TENM2: variants seen among roughly 807,000 people sequenced by gnomAD.
TENM2 encodes the protein teneurin-2.
Under a neutral mutation model 245.2 loss-of-function variants are expected in TENM2, and 52 were observed. The ratio of observed to expected loss-of-function variants is 0.21; its 90% CI spans 0.17 to 0.27. TENM2 has a LOEUF of 0.27. TENM2 is among the 10% of genes least tolerant of loss of function. The pLI is 1.00. For missense variants in TENM2, 3,046 were observed against 3,666.8 expected (o/e 0.83, Z 4.37); for synonymous variants, 1,363 against 1,438.9 (o/e 0.95, Z 1.19).
chr5:168,140,812 CTT>C (rs1266755822), intron 12 of TENM2, among the ~76,000 whole-genome samples: 1 of 152,168 alleles, frequency 6.6e-6, no homozygotes, highest in East Asian at 1.9e-4. Flanking sequence ...ACTGTGAAGT[CTT>C]TCCCTGACAG....
chr5:167,332,419 A>G (rs1757512575), intron 1 of TENM2, among the ~76,000 whole-genome samples: 1 of 152,046 alleles, frequency 6.6e-6, no homozygotes. Context: ...TTGGATCATG[A>G]TGAGGGTTTC....
At chr5:168,013,253 A>T (rs534471376) in intron 5 of TENM2, among the ~76,000 whole-genome samples, 1 of 152,304 alleles carries the variant, frequency 6.6e-6, no homozygotes, top group South Asian at 2.1e-4. Context: ...CGAGGGTTGG[A>T]ATTGTCTGAT....
chr5:168,045,102 A>T (rs1005145788), intron 5 of TENM2, among the ~76,000 whole-genome samples: 8 of 152,182 alleles, frequency 5.3e-5, no homozygotes, highest in African/African-American at 1.4e-4. Flanking sequence ...TTTTGGAAGG[A>T]CAGGTCTCAT....
chr5:168,049,124 A>G (rs546083252), intron 6 of TENM2, among the ~76,000 whole-genome samples: 1 of 152,294 alleles, frequency 6.6e-6, no homozygotes, highest in East Asian at 1.9e-4. Context: ...GCAATGTCTA[A>G]AGACTATTTT....
At chr5:167,515,415 G>T (rs1208826324) in intron 2 of TENM2, among the ~76,000 whole-genome samples, 1 of 151,650 alleles carries the variant, frequency 6.6e-6, no homozygotes, top group East Asian at 2.0e-4. Flanking sequence ...TTCATCCAGA[G>T]TTTGTATAAT....
At chr5:167,876,783 C>CA (rs1773464206) in intron 3 of TENM2, among the ~76,000 whole-genome samples, 2 of 152,118 alleles carry the variant, frequency 1.3e-5, no homozygotes, top group African/African-American at 4.8e-5. Context: ...TAGAATTTGA[C>CA]AAGTTGGTGG....
rs117070330 is a variant in TENM2 at position 167,974,812 on chromosome 5, G to A, written c.948-18132G>A. 1.3e-3 allele frequency among the ~76,000 whole-genome samples: 205 copies of A among 152,224 alleles called. 2 individuals carry two copies. The East Asian group carries it at 0.033, about 25-fold the overall frequency. On this transcript the variant is annotated intron_variant, in intron 4 of 28. Coordinates refer to ENST00000518659, the Ensembl canonical transcript of TENM2. ...TCAGCAGGGCTGTCCCAACCTGACCGACTGTGACCCTGAACTTCCCTCTTC... is the reference window on the plus strand; with the variant it reads ...TCAGCAGGGCTGTCCCAACCTGACCAACTGTGACCCTGAACTTCCCTCTTC...
chr5:167,080,008 C>T, the TENM2 span, among the ~76,000 whole-genome samples: 1 of 152,224 alleles, frequency 6.6e-6, no homozygotes, highest in Admixed American at 6.5e-5. Flanking sequence ...GTGGATTAAA[C>T]TGAAGTTCAG....
chr5:167,573,881 A>G (rs1337210068), intron 2 of TENM2: 4 of 152,146 alleles, frequency 2.6e-5, no homozygotes, highest in Admixed American at 2.6e-4. Flanking sequence ...TTGCTGGAAA[A>G]AAAAAAAAGA....
intron 1 of TENM2, chr5:167,303,161 G>C (rs979800125): frequency 2.2e-4 from 37 of 169,656 alleles, no homozygotes; most frequent in Non-Finnish European, 4.1e-4. Flanking sequence ...GGGCTGGTGG[G>C]TCTGAGGACC....
the TENM2 span, among the ~76,000 whole-genome samples, chr5:167,107,373 T>C: frequency 6.6e-6 from 1 of 151,914 alleles, no homozygotes; most frequent in Non-Finnish European, 1.5e-5. Flanking sequence ...GTACATATAT[T>C]TGGTTTTGAA....
At chr5:167,466,898 A>C (rs1380918283) in intron 2 of TENM2, among the ~76,000 whole-genome samples, 2 of 152,162 alleles carry the variant, frequency 1.3e-5, no homozygotes, top group Non-Finnish European at 2.9e-5. Flanking sequence ...GATTCACCTG[A>C]AGTAGTTCGG....
At chr5:167,866,553 G>A (rs1416586145) in intron 2 of TENM2, among the ~76,000 whole-genome samples, 4 of 151,694 alleles carry the variant, frequency 2.6e-5, no homozygotes, top group East Asian at 1.9e-4. Flanking sequence ...TTCCATGCAC[G>A]GAGAGAGATA....
chr5:166,985,579 C>A, the TENM2 span, among the ~76,000 whole-genome samples: 1 of 152,054 alleles, frequency 6.6e-6, no homozygotes, highest in Non-Finnish European at 1.5e-5. Flanking sequence ...TATATATCCC[C>A]ACACATAATC....
chr5:167,536,720 A>G (rs1040750101), intron 2 of TENM2, among the ~76,000 whole-genome samples: 3 of 152,172 alleles, frequency 2.0e-5, no homozygotes, highest in African/African-American at 7.2e-5. Context: ...TGTCTAGTTC[A>G]AGATTAGATG....
the TENM2 span, among the ~76,000 whole-genome samples, chr5:167,197,362 A>ATGAC: frequency 6.6e-6 from 1 of 152,078 alleles, no homozygotes; most frequent in Admixed American, 6.6e-5. Context: ...CCTAATCCAT[A>ATGAC]TGACTTGTTC....
At chr5:168,006,036 A>G (rs1376895763) in intron 5 of TENM2, among the ~76,000 whole-genome samples, 1 of 152,224 alleles carries the variant, frequency 6.6e-6, no homozygotes, top group Non-Finnish European at 1.5e-5. Flanking sequence ...CCACATGCCC[A>G]TCACTGGCTT....
At position 168,083,016 on chromosome 5, in the gene TENM2, A is replaced by G. The variant is rs542476634; in HGVS notation, c.1516-7558A>G. ...GATGTTTAAGTCTGCAGAAGTTTCT[A>G]CTGCCTTTTGTTCAGCTATGCCCTG... On this transcript the variant is annotated intron_variant, in intron 7 of 28. Transcript: ENST00000518659. Among the ~76,000 whole-genome samples the G allele has an allele frequency of 2.6e-4, 39 of 152,214 alleles. No homozygotes were observed. The South Asian group carries it at 7.1e-3, about 28-fold the overall frequency.
chr5:167,907,421 A>G (rs1776177045), intron 3 of TENM2, among the ~76,000 whole-genome samples: 1 of 150,054 alleles, frequency 6.7e-6, no homozygotes, highest in African/African-American at 2.4e-5. Flanking sequence ...CACTAATAAC[A>G]CTAACTGATT....
Sources: allele counts gnomAD v4.1 joint callset (sites outside exome capture counted in the v4.1 genomes callset), GRCh38; gene constraint gnomAD v4.1.1; transcripts MANE v1.5; gene names NCBI Gene and HGNC (gene_info 2026-07-23, HGNC 2026-07-21).